MRPL52: variants seen among roughly 807,000 people sequenced by gnomAD.
The protein encoded by MRPL52 is mitochondrial ribosomal protein L52, also known as large ribosomal subunit protein mL52.
A neutral mutation model predicts 22.1 loss-of-function variants in MRPL52; 19 were observed. That is an observed-to-expected ratio of 0.86 (90% CI 0.60 to 1.26). MRPL52 has a LOEUF of 1.26. Ranked by LOEUF, MRPL52 falls within the 50% of genes most tolerant of loss-of-function variation. MRPL52 has a pLI of 0.00. For synonymous variants in MRPL52, 50 were observed against 57.5 expected (o/e 0.87, Z 0.59); for missense variants, 152 against 148.1 (o/e 1.03, Z -0.14).
chr14:22,831,614 CCTCTT>C (rs1238632171), intron 3 of MRPL52: 1 of 152,206 alleles, frequency 6.6e-6, no homozygotes, highest in African/African-American at 2.4e-5. Context: ...GTAAATAACA[CCTCTT>C]CTCTGTCTTG....
At position 22,830,330 on chromosome 14, in the gene MRPL52, G is replaced by A. The variant is rs1442008541; in HGVS notation, c.154+76G>A. ...GGAACGCCCCTGGACGGGGAGCTGG[G>A]GGTATCAAGGTGGGGGCGTGTAAAA... On this transcript the variant is annotated intron_variant, in intron 3 of 4. Coordinates refer to ENST00000397496, the MANE Select transcript of MRPL52 (RefSeq NM_180982.3). The A allele has an allele frequency of 3.3e-6, 5 of 1,497,612 alleles. No homozygotes were observed. The African/African-American group carries it at 6.9e-5, about 21-fold the overall frequency. The allele number at this position is 1,497,612 out of a possible 1,614,324, so 92.8% of individuals were successfully genotyped here. A position where few individuals can be genotyped will look rare whatever the true frequency, so the allele number is the denominator to read the frequency against.
chr14:22,830,056 T>A lies in MRPL52; in HGVS notation c.32T>A (p.Val11Asp), dbSNP rs1448202639. Reference sequence around the variant, plus strand: ...CTCTGCTCTGTTCTCCCAGCAGGTGTCCGGAGGCTGCACTGCAGCGTAGCC... The same window carrying A: ...CTCTGCTCTGTTCTCCCAGCAGGTGACCGGAGGCTGCACTGCAGCGTAGCC... MAALGTVLFS[V>D]RRLHCSVAAW... Residue 11 changes from valine to aspartate, a missense_variant, in exon 2 of 5, where the codon GTC becomes GAC. Transcript: ENST00000397496. 1 of 1,614,048 alleles carries A rather than the reference T, an allele frequency of 6.2e-7. No individual in the cohort carries two copies. The highest frequency in any genetic ancestry group is 2.2e-5 in the East Asian group (1 of 44,880).
chr14:22,832,718 T>G (rs1007903787), intron 3 of MRPL52, among the ~76,000 whole-genome samples: 1 of 151,834 alleles, frequency 6.6e-6, no homozygotes, highest in South Asian at 2.1e-4. Context: ...TTCAGTGAAA[T>G]AGAGTAGTAA....
chr14:22,830,081 C>G lies in MRPL52; in HGVS notation c.57C>G (p.Ala19=). 6.2e-7 allele frequency: 1 copy of G among 1,614,172 alleles called. No homozygotes were observed. The highest frequency in any genetic ancestry group is 8.5e-7 in the Non-Finnish European group (1 of 1,180,004). The change falls in exon 2 of 5, where the codon GCC becomes GCG. Residue 19 remains alanine (A), a synonymous_variant. Transcript: ENST00000397496. ...FSVRRLHCSV[A]AWAGGQWRLQ... The stretch of plus-strand genomic sequence containing the variant: ...TCCGGAGGCTGCACTGCAGCGTAGC[C>G]GCTTGGGCGGGCGGCCAGTGGCGAC...
At position 22,834,842 on chromosome 14, in the gene MRPL52, C is replaced by T. The variant is rs1957371; in HGVS notation, c.*521C>T. The T allele has an allele frequency of 0.62, 93,599 of 150,638 alleles. 29,107 individuals carry two copies. Among genetic ancestry groups the T allele is most frequent in the Admixed American group, 0.67 (10,110 of 15,154 alleles). 9.3% of individuals were successfully genotyped at this position (150,638 alleles called of 1,614,324 possible). ...CAACCTGGGCGACAGGGCGAGACTC[C>T]GTCTCAAAAAAAAAAAAAAATTTAC... On this transcript the variant is annotated 3_prime_UTR_variant, in exon 5 of 5. Transcript: ENST00000397496.
chr14:22,832,526 G>C (rs182568658), intron 3 of MRPL52, among the ~76,000 whole-genome samples: 167 of 151,972 alleles, frequency 1.1e-3, no homozygotes, highest in African/African-American at 3.8e-3. Flanking sequence ...ATTTTTAGTA[G>C]AGACAGGGTT....
rs150656202 is a variant in MRPL52 at position 22,830,516 on chromosome 14, G to A, written c.154+262G>A. 365 of 507,908 alleles carry A rather than the reference G, an allele frequency of 7.2e-4. 1 individual carries two copies. The highest frequency in any genetic ancestry group is 6.5e-3 in the African/African-American group (331 of 50,952). 31.5% of individuals were successfully genotyped at this position (507,908 alleles called of 1,614,324 possible). A position where few individuals can be genotyped will look rare whatever the true frequency, so the allele number is the denominator to read the frequency against. On this transcript the variant is annotated intron_variant, in intron 3 of 4. Transcript: ENST00000397496. ...ACTTGGGGCCGCCAGGGTGGAAGGG[G>A]GTGACAAGACTTCTGCGTTTTTCAA...
At position 22,830,232 on chromosome 14, in the gene MRPL52, G is replaced by A. The variant is rs760875511; in HGVS notation, c.132G>A (p.Glu44=). The change falls in exon 3 of 5, where the codon GAG becomes GAA. Residue 44 remains glutamate, a synonymous_variant. Transcript: ENST00000397496. ...ANPSGYGPLT[E]LPDWSYADGR... is the part of the protein sequence containing the mutation. ...CCTCCGGCTACGGGCCCCTTACCGA[G>A]CTCCCAGACTGGTCATATGCGGGTA... is the stretch of plus-strand genomic sequence containing the variant. The A allele has an allele frequency of 6.2e-7, 1 of 1,614,230 alleles. No individual in the cohort carries two copies. Among genetic ancestry groups the A allele is most frequent in the African/African-American group, 1.3e-5 (1 of 75,054 alleles).
chr14:22,832,965 G>A (rs1225068694), intron 3 of MRPL52, among the ~76,000 whole-genome samples: 1 of 152,012 alleles, frequency 6.6e-6, no homozygotes, highest in Non-Finnish European at 1.5e-5. Context: ...GGATCACGAG[G>A]TCAAGAGATC....
chr14:22,833,070 C>T (rs943868496), intron 3 of MRPL52, among the ~76,000 whole-genome samples: 4 of 151,932 alleles, frequency 2.6e-5, no homozygotes, highest in Admixed American at 2.6e-4. Context: ...CCCAGCTACT[C>T]GGGAGTCTGA....
intron 3 of MRPL52, chr14:22,830,879 TAGCAAATCCAGG>T: frequency 1.1e-6 from 1 of 908,116 alleles, no homozygotes; most frequent in South Asian, 1.6e-5. Context: ...AGCTAGGTAG[TAGCAAATCCAGG>T]ACTAGAACAT....
chr14:22,831,009 G>A lies in MRPL52; in HGVS notation c.154+755G>A, dbSNP rs2039597578. 2.0e-6 allele frequency: 3 copies of A among 1,515,200 alleles called. No homozygotes were observed. The African/African-American group carries it at 4.2e-5, about 21-fold the overall frequency. 93.9% of individuals were successfully genotyped at this position (1,515,200 alleles called of 1,614,324 possible). The stretch of plus-strand genomic sequence containing the variant: ...GGATAATTGGTGACTGAGGAAGATG[G>A]TGAAGATTTTTTCTACTTGTTATTT... On this transcript the variant is annotated intron_variant, in intron 3 of 4. Coordinates refer to ENST00000397496, the MANE Select transcript of MRPL52 (RefSeq NM_180982.3).
Position 22,830,403 on chromosome 14 carries a change from C to T in MRPL52, c.154+149C>T. 6.6e-6 allele frequency: 5 copies of T among 756,788 alleles called. No individual in the cohort carries two copies. In the South Asian group the frequency reaches 6.6e-5, roughly 10 times the overall value. 46.9% of individuals were successfully genotyped at this position (756,788 alleles called of 1,614,324 possible). A position where few individuals can be genotyped will look rare whatever the true frequency, so the allele number is the denominator to read the frequency against. ...AACGGAATTTGGGGAAAGAAACCCTCTTGTTTATTTTGTAGATTGCATTTC... is the reference window on the plus strand; with the variant it reads ...AACGGAATTTGGGGAAAGAAACCCTTTTGTTTATTTTGTAGATTGCATTTC... On this transcript the variant is annotated intron_variant, in intron 3 of 4. Coordinates refer to ENST00000397496, the MANE Select transcript of MRPL52 (RefSeq NM_180982.3).
chr14:22,829,939 C>T lies in MRPL52; in HGVS notation c.27C>T (p.Phe9=), dbSNP rs540793906. 3.2e-6 allele frequency: 5 copies of T among 1,562,386 alleles called. No homozygotes were observed. The Middle Eastern group carries it at 6.9e-4, about 216-fold the overall frequency. ...TGGCTGCTTTAGGGACTGTTCTCTT[C>T]AGTGAGTGGGTATAGATAGGGACCG... MAALGTVL[F]SVRRLHCSVA... is the part of the protein sequence containing the mutation. The change falls in exon 1 of 5, where the codon TTC becomes TTT. Residue 9 remains phenylalanine, a splice_region_variant and synonymous_variant. Coordinates refer to ENST00000397496, the MANE Select transcript of MRPL52 (RefSeq NM_180982.3).
intron 3 of MRPL52, chr14:22,833,122 G>A (rs1168054713): frequency 4.6e-6 from 1 of 218,372 alleles, no homozygotes; most frequent in African/African-American, 2.3e-5. Context: ...AGGTTGCAGT[G>A]AGCTGAGATT....
rs2039696668 is a variant in MRPL52, at chr14:22,834,511, A to T, written c.*190A>T. 5 of 629,346 alleles carry T rather than the reference A, an allele frequency of 7.9e-6. No individual in the cohort carries two copies. The highest frequency in any genetic ancestry group is 1.3e-5 in the Non-Finnish European group (5 of 379,376). 39.0% of individuals were successfully genotyped at this position (629,346 alleles called of 1,614,324 possible). A position where few individuals can be genotyped will look rare whatever the true frequency, so the allele number is the denominator to read the frequency against. On this transcript the variant is annotated 3_prime_UTR_variant, in exon 5 of 5. Transcript: ENST00000397496. ...GCTTAGTACTCTCATCTCTGGTTCC[A>T]TTCCAGTTCAGCTAAGTCTTGCTTT...
intron 3 of MRPL52, chr14:22,831,183 G>T (rs9646149): frequency 0.31 from 166,828 of 531,772 alleles, 28,278 homozygotes; most frequent in Admixed American, 0.46. Flanking sequence ...CATGATCATC[G>T]CTCACTGCAG....
chr14:22,834,580 A>T lies in MRPL52; in HGVS notation c.*259A>T, dbSNP rs2039697759. On this transcript the variant is annotated 3_prime_UTR_variant, in exon 5 of 5. Transcript: ENST00000397496. ...CTGGGTGCGGTGGCTCACGCCTGTA[A>T]TCCCAGCACTTTGGGAGGCTGAGGC... 3.0e-6 allele frequency: 1 copy of T among 328,088 alleles called. No individual in the cohort carries two copies. The highest frequency in any genetic ancestry group is 2.1e-5 in the African/African-American group (1 of 46,912). 20.3% of individuals were successfully genotyped at this position (328,088 alleles called of 1,614,324 possible). A position where few individuals can be genotyped will look rare whatever the true frequency, so the allele number is the denominator to read the frequency against.
At chr14:22,833,230 C>G in intron 3 of MRPL52, 188 bp from the exon 4 acceptor site, 1 of 571,396 alleles carries the variant, frequency 1.8e-6, no homozygotes, top group East Asian at 2.9e-5. Flanking sequence ...TGTCTAGGAG[C>G]TTATTCTGGG....
Sources: gnomAD v4.1 joint callset for allele counts (sites outside exome capture counted in the v4.1 genomes callset) on GRCh38, gnomAD v4.1.1 for gene constraint, MANE v1.5 for transcripts, NCBI Gene and HGNC (gene_info 2026-07-23, HGNC 2026-07-21) for gene names.